Variants in USP6 observed in about 807,000 individuals in gnomAD.
USP6 encodes the protein ubiquitin carboxyl-terminal hydrolase 6.
USP6 carries 128 observed loss-of-function variants against 175.7 expected under a neutral mutation model. The ratio of observed to expected loss-of-function variants is 0.73; its 90% CI spans 0.63 to 0.84. The LOEUF is 0.84. Ranked by LOEUF, USP6 falls within the 40% of genes least tolerant of loss-of-function variation. The pLI is 0.00. For synonymous variants in USP6, 562 were observed against 630.6 expected, an observed-to-expected ratio of 0.89 and a Z score of 1.63; for missense variants, 1,498 against 1,760.3, an observed-to-expected ratio of 0.85 and a Z score of 2.67.
At chr17:5,127,901 C>T (rs575267733) in intron 7 of USP6, among the ~76,000 whole-genome samples, 93 of 152,322 alleles carry the variant, frequency 6.1e-4, no homozygotes, top group African/African-American at 2.1e-3. Flanking sequence ...TCAGTAGAGA[C>T]AACCATCCGA....
intron 31 of USP6, among the ~76,000 whole-genome samples, chr17:5,156,164 T>C (rs974631318): frequency 2.6e-5 from 4 of 152,258 alleles, no homozygotes; most frequent in African/African-American, 9.6e-5. Flanking sequence ...TAGATAAAAA[T>C]AATTAACATT....
rs1171072409 is a variant in USP6 at position 5,168,899 on chromosome 17, A to T, written c.3361A>T (p.Lys1121Ter). The change falls in exon 35 of 38, where the codon AAA (lysine) becomes TAA (stop). Residue 1121 changes from lysine to a stop codon, truncating the protein, a stop_gained. Coordinates refer to ENST00000574788, the MANE Select transcript of USP6 (RefSeq NM_001304284.2). LOFTEE classifies it high-confidence loss of function. ...VPRDPALCQH[K>*]PLTPQGDELS... ...ACGAGACCCGGCCCTCTGCCAGCATAAACCACTCACACCCCAGGGGGATGA... is the reference window on the plus strand; with the variant it reads ...ACGAGACCCGGCCCTCTGCCAGCATTAACCACTCACACCCCAGGGGGATGA... The T allele has an allele frequency of 1.2e-6, 2 of 1,613,858 alleles. No homozygotes were observed. Among genetic ancestry groups the T allele is most frequent in the African/African-American group, 2.7e-5 (2 of 74,916 alleles).
chr17:5,142,179 C>A (rs759009852), intron 24 of USP6, 38 bp downstream of exon 24: 1 of 1,595,392 alleles, frequency 6.3e-7, no homozygotes, highest in African/African-American at 1.3e-5. Context: ...TAACCTGTGA[C>A]TTTGATATAA....
intron 30 of USP6, among the ~76,000 whole-genome samples, chr17:5,150,746 C>G (rs2073748338): frequency 6.6e-6 from 1 of 152,034 alleles, no homozygotes. Context: ...GCCTGCCTCG[C>G]CCTCCCGAAG....
chr17:5,122,713 C>G (rs1597961258), intron 4 of USP6, among the ~76,000 whole-genome samples: 1 of 152,326 alleles, frequency 6.6e-6, no homozygotes, highest in East Asian at 1.9e-4. Flanking sequence ...AGCTCCCACC[C>G]GGAGCCCAGC....
chr17:5,131,652 G>A (rs1258298293), intron 11 of USP6, among the ~76,000 whole-genome samples: 3 of 150,226 alleles, frequency 2.0e-5, no homozygotes, highest in Non-Finnish European at 4.4e-5. Context: ...CCCCATTCTG[G>A]GCCTCTCACG....
In USP6 at chr17:5,133,482, C is replaced by G. The variant is rs367887954; in HGVS notation, c.316C>G (p.Arg106Gly). Residue 106 changes from arginine to glycine, a missense_variant, in exon 14 of 38, where the codon CGG becomes GGG. Arg to Gly is a moderately radical substitution (Grantham distance 125, BLOSUM62 -2). This residue lies in a region of USP6 where 281 missense variants were observed against 259.6 expected (regional missense o/e 1.08). Transcript: ENST00000574788. The part of the protein sequence containing the change: ...RVYKGIPMNI[R>G]GPVWSVLLNI... ...GTACAAGGGAATTCCCATGAACATC[C>G]GGGGCCCGGTGTGGTCAGTCCTCCT... The G allele has an allele frequency of 6.2e-7, 1 of 1,611,740 alleles. No homozygotes were observed. The highest frequency in any genetic ancestry group is 1.3e-5 in the African/African-American group (1 of 74,934).
At chr17:5,142,660 A>G (rs1355507763) in intron 25 of USP6, among the ~76,000 whole-genome samples, 158 bp downstream of exon 25, 1 of 152,230 alleles carries the variant, frequency 6.6e-6, no homozygotes, top group Non-Finnish European at 1.5e-5. Flanking sequence ...GCTTGTTTAA[A>G]TATTTGCAAA....
At chr17:5,127,919 T>C (rs775849195) in intron 7 of USP6, among the ~76,000 whole-genome samples, 7 of 152,230 alleles carry the variant, frequency 4.6e-5, no homozygotes, top group Non-Finnish European at 1.0e-4. Context: ...CGATTTGTTT[T>C]CTGAATATTT....
chr17:5,123,999 G>A (rs1334281171), intron 4 of USP6, among the ~76,000 whole-genome samples: 2 of 152,162 alleles, frequency 1.3e-5, no homozygotes, highest in East Asian at 3.9e-4. Context: ...CTAACAAGAC[G>A]CACAAACACG....
intron 24 of USP6, 25 bp from the exon 25 acceptor site, chr17:5,142,372 A>G: frequency 6.3e-7 from 1 of 1,599,020 alleles, no homozygotes; most frequent in South Asian, 1.1e-5. Flanking sequence ...ATCTTTGGCA[A>G]CAAATTTTCC....
intron 30 of USP6, among the ~76,000 whole-genome samples, chr17:5,154,079 T>TTAG (rs943593501): frequency 1.6e-4 from 25 of 152,356 alleles, no homozygotes; most frequent in African/African-American, 6.0e-4. Context: ...TTGTGTGGGT[T>TTAG]TAGCTATGTT....
intron 4 of USP6, among the ~76,000 whole-genome samples, chr17:5,123,308 G>C (rs1387468662): frequency 6.6e-6 from 1 of 152,050 alleles, no homozygotes; most frequent in Admixed American, 6.5e-5. Context: ...CGGTGGGGGG[G>C]TGGTAGAGGC....
rs942945417 is a variant in USP6 at position 5,136,841 on chromosome 17, A to G, written c.759+107A>G. ...TGGGACTGGTGACTGGCGGAGTCCC[A>G]GCTAGGGCCTGACCTGGGACGTCGG... On this transcript the variant is annotated intron_variant, in intron 18 of 37. Transcript: ENST00000574788. 6 of 1,508,940 alleles carry G rather than the reference A, an allele frequency of 4.0e-6. No homozygotes were observed. The African/African-American group carries it at 6.9e-5, about 17-fold the overall frequency. 93.5% of individuals were successfully genotyped at this position (1,508,940 alleles called of 1,614,324 possible).
At chr17:5,171,813 TAAAG>T in intron 37 of USP6, 134 bp downstream of exon 37, 2 of 1,020,864 alleles carry the variant, frequency 2.0e-6, no homozygotes, top group South Asian at 1.7e-5. Flanking sequence ...CTGTCAGTAT[TAAAG>T]GAACAAAAGT....
chr17:5,162,862 T>G, intron 32 of USP6, 22 bp from the exon 33 acceptor site: 1 of 1,587,956 alleles, frequency 6.3e-7, no homozygotes, highest in Non-Finnish European at 8.5e-7. Context: ...TCTTCCTCTG[T>G]GGATCTTTCC....
Position 5,158,086 on chromosome 17 carries a change from C to T in USP6, c.2828+2480C>T, listed in dbSNP as rs141330315. ...TCAAGTGTAAAATTAACTTGAATGT[C>T]CTCTGCTGAAGATATAAACATAGAT... On this transcript the variant is annotated intron_variant, in intron 31 of 37. Transcript: ENST00000574788. Among the ~76,000 whole-genome samples the T allele has an allele frequency of 8.5e-4, 130 of 152,256 alleles. No homozygotes were observed. The Middle Eastern group carries it at 0.02, about 24-fold the overall frequency.
At chr17:5,136,064 G>T in intron 17 of USP6, 136 bp downstream of exon 17, 1 of 1,504,300 alleles carries the variant, frequency 6.6e-7, no homozygotes, top group South Asian at 1.3e-5. Flanking sequence ...CGTCTCTGCT[G>T]AGGGTCCCAC....
intron 21 of USP6, 89 bp from the exon 22 acceptor site, chr17:5,139,166 G>T: frequency 6.3e-7 from 1 of 1,598,132 alleles, no homozygotes. Flanking sequence ...AGACCCCAAG[G>T]ACTCCAGAGA....
Sources: allele counts gnomAD v4.1 joint callset (sites outside exome capture counted in the v4.1 genomes callset), GRCh38; gene constraint gnomAD v4.1.1; regional missense constraint gnomAD v4.1.1; transcripts MANE v1.5; gene names NCBI Gene and HGNC (gene_info 2026-07-23, HGNC 2026-07-21).